The following PARN variants were observed in gnomAD, a reference collection of about 807,000 sequenced individuals.
The protein encoded by PARN is poly(A)-specific ribonuclease PARN.
A neutral mutation model predicts 102.8 loss-of-function variants in PARN; 71 were observed. The ratio of observed to expected loss-of-function variants is 0.69; its 90% CI spans 0.57 to 0.84. The LOEUF (loss-of-function observed/expected upper bound fraction) is 0.84, where lower values mean the gene tolerates loss of function less well. PARN is among the 40% of genes least tolerant of loss of function. The pLI is 0.00. For missense variants in PARN, 782 were observed against 760.9 expected, an observed-to-expected ratio of 1.03 and a Z score of -0.33; for synonymous variants, 261 against 252.9, an observed-to-expected ratio of 1.03 and a Z score of -0.30.
At chr16:14,583,628 A>C (rs1349678904) in intron 16 of PARN, among the ~76,000 whole-genome samples, 1 of 152,214 alleles carries the variant, frequency 6.6e-6, no homozygotes, top group Non-Finnish European at 1.5e-5. Flanking sequence ...GAAAGGGGCA[A>C]ATAACTGTAA....
intron 22 of PARN, among the ~76,000 whole-genome samples, chr16:14,462,784 C>G (rs1281949384): frequency 6.6e-6 from 1 of 152,104 alleles, no homozygotes; most frequent in African/African-American, 2.4e-5. Flanking sequence ...TCCATTCCAG[C>G]CAAGATGGAA....
At chr16:14,480,695 C>T (rs1001542655) in intron 22 of PARN, among the ~76,000 whole-genome samples, 1 of 152,180 alleles carries the variant, frequency 6.6e-6, no homozygotes, top group Non-Finnish European at 1.5e-5. Context: ...AATCCCAACA[C>T]TTTGGGAGGC....
At chr16:14,479,809 T>C (rs1291466031) in intron 22 of PARN, among the ~76,000 whole-genome samples, 2 of 151,746 alleles carry the variant, frequency 1.3e-5, no homozygotes, top group Admixed American at 1.3e-4. Flanking sequence ...AAGAATCAGA[T>C]AGTCATATGG....
At chr16:14,526,905 T>C (rs1966041117) in intron 21 of PARN, among the ~76,000 whole-genome samples, 1 of 152,180 alleles carries the variant, frequency 6.6e-6, no homozygotes, top group Non-Finnish European at 1.5e-5. Context: ...CTGAGGTGAG[T>C]ACCTCTCCTT....
intron 21 of PARN, among the ~76,000 whole-genome samples, chr16:14,520,631 G>A (rs1305219287): frequency 2.0e-5 from 3 of 151,990 alleles, no homozygotes; most frequent in Non-Finnish European, 4.4e-5. Context: ...CCTGGGAGGT[G>A]GAGGTTGCAG....
chr16:14,469,178 T>C (rs954271360), intron 22 of PARN, among the ~76,000 whole-genome samples: 10 of 151,972 alleles, frequency 6.6e-5, no homozygotes, highest in Non-Finnish European at 1.2e-4. Context: ...ATGCCTATAA[T>C]CCTAGCTACT....
intron 21 of PARN, among the ~76,000 whole-genome samples, chr16:14,488,987 A>G (rs1239910491): frequency 6.6e-6 from 1 of 152,244 alleles, no homozygotes; most frequent in Non-Finnish European, 1.5e-5. Context: ...ATATTGTCTA[A>G]GAGAAAATAT....
At chr16:14,546,847 T>C (rs1430574829) in intron 21 of PARN, among the ~76,000 whole-genome samples, 3 of 152,180 alleles carry the variant, frequency 2.0e-5, no homozygotes, top group Non-Finnish European at 4.4e-5. Context: ...TACGCTGTAA[T>C]GCCAGCACTT....
At chr16:14,498,122 C>CAAA (rs34124932) in intron 21 of PARN, among the ~76,000 whole-genome samples, 22 of 44,714 alleles carry the variant, frequency 4.9e-4, no homozygotes, top group Non-Finnish European at 5.5e-4. Flanking sequence ...GACTCCATCT[C>CAAA]AAAAAAAAAA....
chr16:14,574,484 G>A (rs1968995324), intron 18 of PARN, among the ~76,000 whole-genome samples: 1 of 152,176 alleles, frequency 6.6e-6, no homozygotes, highest in African/African-American at 2.4e-5. Flanking sequence ...GGAAGCCAAG[G>A]TGGGCAGATC....
intron 7 of PARN, among the ~76,000 whole-genome samples, chr16:14,609,915 T>TA: frequency 6.6e-6 from 1 of 152,206 alleles, no homozygotes; most frequent in South Asian, 2.1e-4. Context: ...GATTAGCATT[T>TA]AAAAAACAAG....
intron 6 of PARN, among the ~76,000 whole-genome samples, chr16:14,615,479 C>T (rs1971836141): frequency 6.6e-6 from 1 of 152,060 alleles, no homozygotes; most frequent in African/African-American, 2.4e-5. Context: ...CTTTATAATA[C>T]CCAAACTGTA....
chr16:14,553,965 C>T, intron 20 of PARN, 100 bp downstream of exon 20: 1 of 703,074 alleles, frequency 1.4e-6, no homozygotes, highest in South Asian at 1.8e-5. Context: ...TGAATATTAA[C>T]ATTCTTTTAT....
chr16:14,578,067 G>A (rs1319893024), intron 18 of PARN, among the ~76,000 whole-genome samples: 1 of 151,588 alleles, frequency 6.6e-6, no homozygotes, highest in Non-Finnish European at 1.5e-5. Context: ...GGTGGCTCAC[G>A]CCTGTAATCC....
intron 21 of PARN, among the ~76,000 whole-genome samples, chr16:14,544,060 T>C (rs1966858455): frequency 6.6e-6 from 1 of 151,866 alleles, no homozygotes; most frequent in African/African-American, 2.4e-5. Flanking sequence ...GGCATGGGGG[T>C]GCATGCCTGT....
intron 11 of PARN, among the ~76,000 whole-genome samples, chr16:14,603,661 T>G (rs1188783833): frequency 6.6e-6 from 1 of 152,184 alleles, no homozygotes; most frequent in Admixed American, 6.6e-5. Flanking sequence ...ATCTCCTAGC[T>G]AGGTTACTCC....
At chr16:14,603,836 T>TA (rs1282284473) in intron 11 of PARN, among the ~76,000 whole-genome samples, 3 of 152,204 alleles carry the variant, frequency 2.0e-5, no homozygotes, top group Non-Finnish European at 2.9e-5. Flanking sequence ...TACATGAAGT[T>TA]AGACGTTGCA....
chr16:14,482,678 T>C lies in PARN; in HGVS notation c.1630A>G (p.Ile544Val), dbSNP rs779379622. Residue 544 changes from isoleucine to valine, a missense_variant, in exon 22 of 24, where the codon ATA becomes GTA. By Grantham distance (29) the Ile-to-Val change is conservative (BLOSUM62 3). Coordinates refer to ENST00000437198, the MANE Select transcript of PARN (RefSeq NM_002582.4). ...TAGTGATTCTGCAGGGTGTAGGGTATGCACTGGGGGTTTAACCGTTTGCTG... is the reference window on the plus strand; with the variant it reads ...TAGTGATTCTGCAGGGTGTAGGGTACGCACTGGGGGTTTAACCGTTTGCTG... Reference protein sequence around the residue: ...ADSKRLNPQCIPYTLQNHYYR... With the variant: ...ADSKRLNPQCVPYTLQNHYYR... 1.9e-6 allele frequency: 3 copies of C among 1,613,678 alleles called. No homozygotes were observed. The highest frequency in any genetic ancestry group is 1.6e-4 in the Middle Eastern group (1 of 6,062).
intron 17 of PARN, 104 bp from the exon 18 acceptor site, chr16:14,581,047 G>A (rs2151749392): frequency 1.5e-6 from 1 of 652,174 alleles, no homozygotes; most frequent in South Asian, 2.1e-5. Context: ...TTCAACAAGT[G>A]TGAAAGGTAT....
Sources: gnomAD v4.1 joint callset for allele counts (sites outside exome capture counted in the v4.1 genomes callset) on GRCh38, gnomAD v4.1.1 for gene constraint, MANE v1.5 for transcripts, NCBI Gene and HGNC (gene_info 2026-07-23, HGNC 2026-07-21) for gene names.